ATP8B1: variants seen among roughly 807,000 people sequenced by gnomAD.
ATP8B1 encodes the protein phospholipid-transporting ATPase IC.
In ATP8B1, 80 loss-of-function variants were observed where a neutral mutation model predicts 149.9. The observed-to-expected ratio is 0.53, with a 90% CI of 0.45 to 0.64. ATP8B1 has a LOEUF of 0.64. Ranked by LOEUF, ATP8B1 falls within the 30% of genes least tolerant of loss-of-function variation. The probability of loss-of-function intolerance (pLI) is 0.00; values close to 1 mark genes in which losing one functional copy is unlikely to be tolerated. For synonymous variants in ATP8B1, 536 were observed against 562.8 expected, an observed-to-expected ratio of 0.95 and a Z score of 0.67; for missense variants, 1,247 against 1,552.6, an observed-to-expected ratio of 0.80 and a Z score of 3.31.
intron 3 of ATP8B1, among the ~76,000 whole-genome samples, chr18:57,705,902 C>T (rs1039473305): frequency 4.6e-5 from 7 of 152,128 alleles, no homozygotes; most frequent in African/African-American, 1.4e-4. Context: ...ACTCCTGTCA[C>T]CCAAGCTGGA....
At chr18:57,708,417 CAT>C (rs1275214003) in intron 2 of ATP8B1, 1 of 152,094 alleles carries the variant, frequency 6.6e-6, no homozygotes, top group Non-Finnish European at 1.5e-5. Flanking sequence ...ACTGTAATCA[CAT>C]AGGCAATCAG....
chr18:57,738,271 G>A (rs967455372), intron 1 of ATP8B1, among the ~76,000 whole-genome samples: 1 of 152,214 alleles, frequency 6.6e-6, no homozygotes, highest in Non-Finnish European at 1.5e-5. Flanking sequence ...TAGGCACAGG[G>A]AACAGAGCTA....
At chr18:57,726,257 C>A (rs1366316035) in intron 2 of ATP8B1, among the ~76,000 whole-genome samples, 2 of 141,148 alleles carry the variant, frequency 1.4e-5, no homozygotes, top group Admixed American at 7.1e-5. Context: ...AACAAAAAAA[C>A]CACTTGGGAA....
At chr18:57,778,491 A>G (rs965218422) in intron 1 of ATP8B1, among the ~76,000 whole-genome samples, 20 of 151,782 alleles carry the variant, frequency 1.3e-4, no homozygotes, top group Non-Finnish European at 2.8e-4. Context: ...CGCCCTCCCA[A>G]AGTGCTGGGA....
At chr18:57,767,909 G>A (rs921197839) in intron 1 of ATP8B1, among the ~76,000 whole-genome samples, 1 of 152,088 alleles carries the variant, frequency 6.6e-6, no homozygotes, top group Non-Finnish European at 1.5e-5. Flanking sequence ...TGGTTTTACT[G>A]CCTGAAGCCA....
At chr18:57,765,334 C>T (rs1471534042) in intron 1 of ATP8B1, among the ~76,000 whole-genome samples, 1 of 152,156 alleles carries the variant, frequency 6.6e-6, no homozygotes, top group Admixed American at 6.5e-5. Flanking sequence ...GTGATGGCTG[C>T]ACAACCATGT....
At chr18:57,719,226 G>T (rs1206529990) in intron 2 of ATP8B1, among the ~76,000 whole-genome samples, 4 of 152,180 alleles carry the variant, frequency 2.6e-5, no homozygotes, top group Non-Finnish European at 5.9e-5. Flanking sequence ...ATCTGAAAAA[G>T]AAATCAAGAA....
chr18:57,743,774 A>G (rs955267574), intron 1 of ATP8B1, among the ~76,000 whole-genome samples: 4 of 152,084 alleles, frequency 2.6e-5, no homozygotes, highest in Admixed American at 2.6e-4. Context: ...TATTCCAGGG[A>G]GTTAGAGGGC....
chr18:57,796,476 T>A (rs927028264), intron 1 of ATP8B1, among the ~76,000 whole-genome samples: 2 of 152,130 alleles, frequency 1.3e-5, no homozygotes, highest in African/African-American at 4.8e-5. Context: ...AGACCCTGCC[T>A]CTAAATGAAA....
intron 10 of ATP8B1, 37 bp downstream of exon 10, chr18:57,695,134 C>A: frequency 6.6e-7 from 1 of 1,525,786 alleles, no homozygotes. Context: ...CTTTAAAGAT[C>A]ATAGCTGATT....
chr18:57,648,341 C>T lies in ATP8B1; in HGVS notation c.*147G>A. On this transcript the variant is annotated 3_prime_UTR_variant, in exon 28 of 28. Transcript: ENST00000648908. ...TTGGCTCTGCTATTGTTTAATAGTCCAACCCAAGGAGTTTGTTATAAAGAT... is the reference window on the plus strand; with the variant it reads ...TTGGCTCTGCTATTGTTTAATAGTCTAACCCAAGGAGTTTGTTATAAAGAT... 1.0e-6 allele frequency: 1 copy of T among 988,708 alleles called. No homozygotes were observed. The highest frequency in any genetic ancestry group is 1.5e-6 in the Non-Finnish European group (1 of 647,088). The allele number at this position is 988,708 out of a possible 1,614,324, so 61.2% of individuals were successfully genotyped here. A position where few individuals can be genotyped will look rare whatever the true frequency, so the allele number is the denominator to read the frequency against.
At chr18:57,738,508 C>T (rs1259590662) in intron 1 of ATP8B1, among the ~76,000 whole-genome samples, 1 of 152,074 alleles carries the variant, frequency 6.6e-6, no homozygotes, top group African/African-American at 2.4e-5. Flanking sequence ...GCCTGTAATC[C>T]CAGCTATTCG....
At chr18:57,707,397 C>T (rs1395691991) in intron 2 of ATP8B1, among the ~76,000 whole-genome samples, 3 of 151,968 alleles carry the variant, frequency 2.0e-5, no homozygotes, top group Non-Finnish European at 4.4e-5. Flanking sequence ...CCTTGAGTGA[C>T]GCACATAATG....
chr18:57,783,135 C>T (rs960296203), intron 1 of ATP8B1, among the ~76,000 whole-genome samples: 1 of 151,986 alleles, frequency 6.6e-6, no homozygotes, highest in Non-Finnish European at 1.5e-5. Flanking sequence ...TCTAAAGATG[C>T]ACTGGCTGAA....
chr18:57,798,170 C>CA (rs1485315261), intron 1 of ATP8B1, among the ~76,000 whole-genome samples: 6 of 152,164 alleles, frequency 3.9e-5, no homozygotes, highest in Non-Finnish European at 8.8e-5. Context: ...CCAGGATCCA[C>CA]AACTAAGAAA....
rs144067642 is a variant in ATP8B1, at chr18:57,652,696, C to T, written c.3049G>A (p.Gly1017Arg). The T allele has an allele frequency of 1.2e-6, 2 of 1,613,980 alleles. No homozygotes were observed. The highest frequency in any genetic ancestry group is 2.7e-5 in the African/African-American group (2 of 74,890). Residue 1017 changes from glycine (G) to arginine (R), a missense_variant, in exon 25 of 28, where the codon GGG becomes AGG. Transcript: ENST00000648908. ...VSDKLSLRFPGLYIVGQRDLL... is the reference protein window; with the variant it reads ...VSDKLSLRFPRLYIVGQRDLL... ...TCTCTTTGTCCCACTATGTATAACCCAGGGAATCGGAGGCTCAGTTTGTCA... is the reference window on the plus strand; with the variant it reads ...TCTCTTTGTCCCACTATGTATAACCTAGGGAATCGGAGGCTCAGTTTGTCA...
At chr18:57,698,316 T>C (rs565505668) in intron 6 of ATP8B1, among the ~76,000 whole-genome samples, 143 of 152,064 alleles carry the variant, frequency 9.4e-4, no homozygotes, top group Non-Finnish European at 1.6e-3. Context: ...TACTCTCTGC[T>C]GTTTAAATTA....
At chr18:57,776,014 A>G (rs766641782) in intron 1 of ATP8B1, among the ~76,000 whole-genome samples, 11 of 152,194 alleles carry the variant, frequency 7.2e-5, no homozygotes, top group Non-Finnish European at 1.6e-4. Context: ...TCTAGTAATG[A>G]TGCCAGGATA....
At chr18:57,750,838 G>T (rs1463823338) in intron 1 of ATP8B1, among the ~76,000 whole-genome samples, 1 of 152,162 alleles carries the variant, frequency 6.6e-6, no homozygotes, top group East Asian at 1.9e-4. Flanking sequence ...TCAATGTTTG[G>T]CTGGGCACGG....
Sources: gnomAD v4.1 joint callset for allele counts (sites outside exome capture counted in the v4.1 genomes callset) on GRCh38, gnomAD v4.1.1 for gene constraint, MANE v1.5 for transcripts, NCBI Gene and HGNC (gene_info 2026-07-23, HGNC 2026-07-21) for gene names.